DOCK8: variants seen among roughly 807,000 people sequenced by gnomAD.
The protein encoded by DOCK8 is dedicator of cytokinesis protein 8.
Under a neutral mutation model 245.6 loss-of-function variants are expected in DOCK8, and 141 were observed. That is an observed-to-expected ratio of 0.57 (90% CI 0.50 to 0.66). The LOEUF (loss-of-function observed/expected upper bound fraction) is 0.66, where lower values mean the gene tolerates loss of function less well. Ranked by LOEUF, DOCK8 falls within the 30% of genes least tolerant of loss-of-function variation. DOCK8 has a pLI of 0.00. For synonymous variants in DOCK8, 1,168 were observed against 970.2 expected (o/e 1.20, Z -3.79); for missense variants, 2,965 against 2,603.4 (o/e 1.14, Z -3.02).
chr9:420,193 G>A, intron 30 of DOCK8: 1 of 621,912 alleles, frequency 1.6e-6, no homozygotes, highest in East Asian at 2.8e-5. Flanking sequence ...GAGCCTCTTT[G>A]CTGAGTAGCG....
intron 39 of DOCK8, 126 bp downstream of exon 39, chr9:435,101 T>G (rs1410115052): frequency 9.2e-7 from 1 of 1,082,452 alleles, no homozygotes. Flanking sequence ...GATGGGTGAG[T>G]AGGTGCTACT....
At chr9:259,407 A>C (rs914846628) in intron 1 of DOCK8, among the ~76,000 whole-genome samples, 2 of 152,236 alleles carry the variant, frequency 1.3e-5, no homozygotes, top group African/African-American at 4.8e-5. Flanking sequence ...GAAGGTTTTC[A>C]AATAATGTAC....
At chr9:215,134 C>T (rs1457177400) in intron 1 of DOCK8, 105 bp downstream of exon 1, 1 of 1,464,258 alleles carries the variant, frequency 6.8e-7, no homozygotes, top group South Asian at 1.4e-5. Flanking sequence ...CATTCGCGTC[C>T]GCGGCGGGGC....
In DOCK8 at chr9:267,356, C is replaced by A. The variant is rs530639886; in HGVS notation, c.54-4271C>A. Among the ~76,000 whole-genome samples, 23 of 152,288 alleles carry A rather than the reference C, an allele frequency of 1.5e-4. No individual in the cohort carries two copies. In the South Asian group the frequency reaches 3.9e-3, roughly 26 times the overall value. On this transcript the variant is annotated intron_variant, in intron 1 of 47. Transcript: ENST00000432829. Reference sequence around the variant, plus strand: ...GAGTAGCTGGGACTACAGGCACACACCACCATACCTGGCTAATTTTTGTAT... The same window carrying A: ...GAGTAGCTGGGACTACAGGCACACAACACCATACCTGGCTAATTTTTGTAT...
intron 39 of DOCK8, 68 bp downstream of exon 39, chr9:435,043 C>G (rs2056851437): frequency 6.3e-7 from 1 of 1,576,252 alleles, no homozygotes; most frequent in Non-Finnish European, 8.6e-7. Context: ...CCCCCAGCCC[C>G]AGGGACATTT....
intron 9 of DOCK8, among the ~76,000 whole-genome samples, chr9:330,035 G>T (rs1037461914): frequency 6.6e-6 from 1 of 152,178 alleles, no homozygotes; most frequent in African/African-American, 2.4e-5. Flanking sequence ...CATCCAGGCA[G>T]ACATTATTTG....
intron 45 of DOCK8, among the ~76,000 whole-genome samples, chr9:451,203 T>C (rs1450251331): frequency 1.3e-5 from 2 of 151,858 alleles, no homozygotes; most frequent in Non-Finnish European, 2.9e-5. Context: ...TCCCAGTACT[T>C]GGGAGGCTGA....
intron 33 of DOCK8, among the ~76,000 whole-genome samples, chr9:424,703 C>G (rs1385316114): frequency 1.3e-5 from 2 of 152,238 alleles, no homozygotes; most frequent in African/African-American, 4.8e-5. Context: ...AGCCACTGCG[C>G]CTGGTCAGAT....
At chr9:417,895 C>T (rs1281583512) in intron 29 of DOCK8, among the ~76,000 whole-genome samples, 173 bp from the exon 30 acceptor site, 1 of 152,198 alleles carries the variant, frequency 6.6e-6, no homozygotes, top group East Asian at 1.9e-4. Context: ...TAGACATTGT[C>T]TCTTAGCCTG....
chr9:416,814 T>G (rs1007412693), intron 29 of DOCK8, among the ~76,000 whole-genome samples: 1 of 152,238 alleles, frequency 6.6e-6, no homozygotes, highest in Non-Finnish European at 1.5e-5. Context: ...TATAAAAGCA[T>G]TTTGCACAGC....
chr9:451,923 ATAT>A, intron 45 of DOCK8, 85 bp from the exon 46 acceptor site: 1 of 329,180 alleles, frequency 3.0e-6, no homozygotes, highest in Non-Finnish European at 5.3e-6. Flanking sequence ...ATATACATAT[ATAT>A]GTATGTGTAT....
At chr9:279,631 A>C (rs1272643534) in intron 2 of DOCK8, among the ~76,000 whole-genome samples, 1 of 152,240 alleles carries the variant, frequency 6.6e-6, no homozygotes, top group Admixed American at 6.5e-5. Context: ...GTCAAGAGGG[A>C]GAGAGTGAAC....
At chr9:333,470 A>G (rs549410719) in intron 10 of DOCK8, among the ~76,000 whole-genome samples, 83 of 152,204 alleles carry the variant, frequency 5.5e-4, no homozygotes, top group East Asian at 1.2e-3. Flanking sequence ...GCATGGTGGC[A>G]CGTGCCTGTA....
At chr9:423,190 A>T (rs1382306455) in intron 33 of DOCK8, among the ~76,000 whole-genome samples, 1 of 152,174 alleles carries the variant, frequency 6.6e-6, no homozygotes, top group East Asian at 1.9e-4. Context: ...CCAGAAAAAA[A>T]ATTATAAAGA....
chr9:448,219 T>C (rs2057324153), intron 44 of DOCK8, among the ~76,000 whole-genome samples: 1 of 152,126 alleles, frequency 6.6e-6, no homozygotes, highest in African/African-American at 2.4e-5. Context: ...CAGCCTCCTG[T>C]GTAGCTGGGA....
In DOCK8 at chr9:429,731, G is replaced by A. The variant is rs2131714641; in HGVS notation, c.4503G>A (p.Val1501=). The A allele has an allele frequency of 1.9e-6, 3 of 1,614,174 alleles. No homozygotes were observed. The highest frequency in any genetic ancestry group is 2.5e-6 in the Non-Finnish European group (3 of 1,180,028). The stretch of plus-strand genomic sequence containing the variant: ...GAGACTTACTCTTTGAAGAGGAGGT[G>A]GAACAGTGTTTCGACCTATGTCACC... ...KFGDLLFEEE[V]EQCFDLCHQV... Residue 1501 remains valine (V), a synonymous_variant, in exon 36 of 48, where the codon GTG becomes GTA. Transcript: ENST00000432829.
intron 30 of DOCK8, among the ~76,000 whole-genome samples, chr9:419,347 G>T (rs776696190): frequency 3.9e-4 from 59 of 152,126 alleles, no homozygotes; most frequent in Non-Finnish European, 6.5e-4. Context: ...TGACATCACC[G>T]ATCTTACTGT....
chr9:464,526 A>G lies in DOCK8; in HGVS notation c.*307A>G, dbSNP rs1240998510. The G allele has an allele frequency of 1.1e-5, 5 of 466,408 alleles. No individual in the cohort carries two copies. Among genetic ancestry groups the G allele is most frequent in the African/African-American group, 7.8e-5 (4 of 50,966 alleles). The allele number at this position is 466,408 out of a possible 1,614,324, so 28.9% of individuals were successfully genotyped here. ...AAGCAGCTTCTCCTGCTGACTGGCC[A>G]ATCACTGCCCATCTGAGAGATGATT... On this transcript the variant is annotated 3_prime_UTR_variant, in exon 48 of 48. Transcript: ENST00000432829.
At chr9:435,006 A>T in intron 39 of DOCK8, 31 bp downstream of exon 39, 1 of 1,609,234 alleles carries the variant, frequency 6.2e-7, no homozygotes, top group Non-Finnish European at 8.5e-7. Flanking sequence ...CCCTTAGAGC[A>T]GTGGTTCTCA....
Sources: allele counts gnomAD v4.1 joint callset (sites outside exome capture counted in the v4.1 genomes callset), GRCh38; gene constraint gnomAD v4.1.1; transcripts MANE v1.5; gene names NCBI Gene and HGNC (gene_info 2026-07-23, HGNC 2026-07-21).